Variants in KIRREL3 observed in about 807,000 individuals in gnomAD.
KIRREL3 encodes the protein kirre like nephrin family adhesion molecule 3, also known as kin of IRRE-like protein 3.
A neutral mutation model predicts 89.7 loss-of-function variants in KIRREL3; 36 were observed. The observed-to-expected ratio is 0.40, with a 90% CI of 0.31 to 0.53. The LOEUF (loss-of-function observed/expected upper bound fraction) is 0.53. Among genes scored for constraint, KIRREL3 ranks in the 20% least tolerant of loss-of-function variants. The probability of loss-of-function intolerance (pLI) is 0.49; values close to 1 mark genes in which losing one functional copy is unlikely to be tolerated. For synonymous variants in KIRREL3, 445 were observed against 441.4 expected, an observed-to-expected ratio of 1.01 and a Z score of -0.10; for missense variants, 864 against 1,056.6, an observed-to-expected ratio of 0.82 and a Z score of 2.53.
At chr11:126,925,106 G>C (rs577244462) in intron 1 of KIRREL3, among the ~76,000 whole-genome samples, 13 of 148,828 alleles carry the variant, frequency 8.7e-5, no homozygotes, top group Admixed American at 7.4e-4. Flanking sequence ...TCGGGGGGGG[G>C]GGGGGGCTGT....
At chr11:126,737,269 G>T (rs925983836) in intron 1 of KIRREL3, among the ~76,000 whole-genome samples, 1 of 152,082 alleles carries the variant, frequency 6.6e-6, no homozygotes, top group African/African-American at 2.4e-5. Context: ...CAGGAAGGGG[G>T]CAGGGAGGAG....
At chr11:126,545,436 C>T (rs914511828) in intron 2 of KIRREL3, among the ~76,000 whole-genome samples, 1 of 151,972 alleles carries the variant, frequency 6.6e-6, no homozygotes, top group Non-Finnish European at 1.5e-5. Flanking sequence ...CTTTATACCA[C>T]CTGATGCCTG....
At chr11:126,456,672 G>T (rs1390459355) in intron 6 of KIRREL3, among the ~76,000 whole-genome samples, 1 of 152,200 alleles carries the variant, frequency 6.6e-6, no homozygotes, top group South Asian at 2.1e-4. Flanking sequence ...TTGGGGCCTG[G>T]TGTGGACACG....
intron 1 of KIRREL3, among the ~76,000 whole-genome samples, chr11:126,637,802 A>C (rs1483822846): frequency 6.6e-6 from 1 of 152,242 alleles, no homozygotes; most frequent in Non-Finnish European, 1.5e-5. Context: ...TCCATCTAGG[A>C]AACATTTACA....
chr11:126,583,579 A>C (rs1023876719), intron 1 of KIRREL3, among the ~76,000 whole-genome samples: 1 of 152,232 alleles, frequency 6.6e-6, no homozygotes, highest in Admixed American at 6.5e-5. Flanking sequence ...AGACACACTT[A>C]GGTTCAAATC....
intron 7 of KIRREL3, among the ~76,000 whole-genome samples, chr11:126,456,039 G>GTTTTTTTTTTTTT (rs745805898): frequency 4.4e-5 from 3 of 68,312 alleles, no homozygotes; most frequent in African/African-American, 1.8e-4. Context: ...TTTTGTTTTC[G>GTTTTTTTTTTTTT]TTTTTTTTTT....
At chr11:126,787,728 C>T (rs960415430) in intron 1 of KIRREL3, among the ~76,000 whole-genome samples, 10 of 152,210 alleles carry the variant, frequency 6.6e-5, no homozygotes, top group Non-Finnish European at 1.5e-4. Flanking sequence ...AGCACAAATG[C>T]TCTCAGCTTG....
In KIRREL3 at chr11:126,686,610, C is replaced by T. The variant is rs1419147269; in HGVS notation, c.56-123698G>A. 4.6e-5 allele frequency among the ~76,000 whole-genome samples: 7 copies of T among 152,146 alleles called. No individual in the cohort carries two copies. The highest frequency in any genetic ancestry group is 1.3e-4 in the Admixed American group (2 of 15,282). ...TTATTTTAATTTTGAGACAGAGTCT[C>T]ACTGTGTGGCACAGGCTGGAGTGCA... is the stretch of plus-strand genomic sequence containing the variant. On this transcript the variant is annotated intron_variant, in intron 1 of 16. Coordinates refer to ENST00000525144, the MANE Select transcript of KIRREL3 (RefSeq NM_032531.4). This position sits in a 1 kb window ranked among gnomAD's most constrained non-coding sequence, Gnocchi z 4.7.
intron 1 of KIRREL3, among the ~76,000 whole-genome samples, chr11:126,674,525 T>G (rs1052968323): frequency 6.6e-6 from 1 of 152,222 alleles, no homozygotes; most frequent in African/African-American, 2.4e-5. Flanking sequence ...ACTCTCAGAA[T>G]CCTGACACTG....
At chr11:126,770,478 GATA>G (rs1222989150) in intron 1 of KIRREL3, among the ~76,000 whole-genome samples, 1 of 152,184 alleles carries the variant, frequency 6.6e-6, no homozygotes, top group Non-Finnish European at 1.5e-5. Context: ...ATTCTGAATA[GATA>G]ATAATTGTCT....
intron 1 of KIRREL3, among the ~76,000 whole-genome samples, chr11:126,572,971 G>A (rs576495358): frequency 6.6e-6 from 1 of 152,300 alleles, no homozygotes; most frequent in African/African-American, 2.4e-5. Flanking sequence ...GTAGGGGTAG[G>A]GGGAGATGTC....
rs551248526 is a variant in KIRREL3, at chr11:126,887,020, T to C, written c.55+113435A>G. Among the ~76,000 whole-genome samples the C allele has an allele frequency of 1.2e-4, 18 of 152,110 alleles. No homozygotes were observed. The South Asian group carries it at 3.5e-3, about 30-fold the overall frequency. On this transcript the variant is annotated intron_variant, in intron 1 of 16. Transcript: ENST00000525144. ...TCAAAACCTAAGGTGAACACGTGAGTTAGTGCTCAGTCTCCCTATCTCATA... is the reference window on the plus strand; with the variant it reads ...TCAAAACCTAAGGTGAACACGTGAGCTAGTGCTCAGTCTCCCTATCTCATA...
At chr11:126,538,549 A>G (rs1309469145) in intron 2 of KIRREL3, among the ~76,000 whole-genome samples, 2 of 152,210 alleles carry the variant, frequency 1.3e-5, no homozygotes, top group East Asian at 3.9e-4. Context: ...CAGGGCCAGC[A>G]TCTAACACAG....
In KIRREL3 at chr11:126,527,502, C is replaced by T. The variant is rs1000104148; in HGVS notation, c.134-815G>A. 2.0e-5 allele frequency among the ~76,000 whole-genome samples: 3 copies of T among 152,100 alleles called. No individual in the cohort carries two copies. Among genetic ancestry groups the T allele is most frequent in the Non-Finnish European group, 4.4e-5 (3 of 68,044 alleles). ...AATATTAGTTCATTAATATTTTCAT[C>T]GTCATAACAACCTAAAAATAGTAGG... On this transcript the variant is annotated intron_variant, in intron 2 of 16. Transcript: ENST00000525144. This position sits in a 1 kb window ranked among gnomAD's most constrained non-coding sequence, Gnocchi z 4.2.
In KIRREL3 at chr11:126,904,138, G is replaced by A. The variant is rs1188387783; in HGVS notation, c.55+96317C>T. Reference sequence around the variant, plus strand: ...TTATGAAGATGGCATAGAAAAAACTGCCTCACTCTAAGAGAACCATACCCT... The same window carrying A: ...TTATGAAGATGGCATAGAAAAAACTACCTCACTCTAAGAGAACCATACCCT... On this transcript the variant is annotated intron_variant, in intron 1 of 16. Coordinates refer to ENST00000525144, the MANE Select transcript of KIRREL3 (RefSeq NM_032531.4). The surrounding 1 kb of genome is among the most constrained non-coding windows in gnomAD (Gnocchi z 4.4). Among the ~76,000 whole-genome samples, 1 of 152,106 alleles carries A rather than the reference G, an allele frequency of 6.6e-6. No homozygotes were observed. The highest frequency in any genetic ancestry group is 2.4e-5 in the African/African-American group (1 of 41,426).
intron 1 of KIRREL3, among the ~76,000 whole-genome samples, chr11:126,634,129 A>C (rs78456644): frequency 0.14 from 21,929 of 152,152 alleles, 2,203 homozygotes; most frequent in South Asian, 0.44. Flanking sequence ...GGGGTGATCC[A>C]GTGTCGAAGG....
At chr11:126,510,007 AAAAAAAAAAAAGAAAAAAGAAAAAAAG>A (rs1958157862) in intron 4 of KIRREL3, among the ~76,000 whole-genome samples, 2 of 150,152 alleles carry the variant, frequency 1.3e-5, no homozygotes, top group African/African-American at 4.9e-5. Context: ...AAAAAAAAAA[AAAAAAAAAAAAGAAAAAAGAAAAAAAG>A]AAAAAAAAGA....
At chr11:126,829,977 C>T (rs1285337569) in intron 1 of KIRREL3, among the ~76,000 whole-genome samples, 2 of 152,190 alleles carry the variant, frequency 1.3e-5, no homozygotes, top group Admixed American at 6.5e-5. Flanking sequence ...ATTTCTCTAA[C>T]CACACAAGCA....
At chr11:126,446,985 G>GAAA in intron 8 of KIRREL3, 99 bp from the exon 9 acceptor site, 1 of 1,435,576 alleles carries the variant, frequency 7.0e-7, no homozygotes, top group Non-Finnish European at 9.4e-7. Context: ...TGACTGGGGG[G>GAAA]AGGCAGGCAG....
Sources: gnomAD v4.1 joint callset for allele counts (sites outside exome capture counted in the v4.1 genomes callset) on GRCh38, gnomAD v4.1.1 for gene constraint, Gnocchi (gnomAD v3.1) non-coding constraint, MANE v1.5 for transcripts, NCBI Gene and HGNC (gene_info 2026-07-23, HGNC 2026-07-21) for gene names.